MAGI2: variants seen among roughly 807,000 people sequenced by gnomAD.
The protein encoded by MAGI2 is membrane associated guanylate kinase, WW and PDZ domain containing 2.
MAGI2 carries 35 observed loss-of-function variants against 133.3 expected under a neutral mutation model. The observed-to-expected ratio is 0.26, with a 90% CI of 0.20 to 0.35. The LOEUF (loss-of-function observed/expected upper bound fraction) is 0.35. Among genes scored for constraint, MAGI2 ranks in the 10% least tolerant of loss-of-function variants. MAGI2 has a pLI of 1.00. For synonymous variants in MAGI2, 729 were observed against 710.6 expected (o/e 1.03, Z -0.41); for missense variants, 1,636 against 1,863.4 (o/e 0.88, Z 2.25).
intron 1 of MAGI2, among the ~76,000 whole-genome samples, chr7:79,059,259 T>C (rs1813482706): frequency 6.6e-6 from 1 of 152,104 alleles, no homozygotes. Context: ...TATATGTTTC[T>C]CCCACTGGGC....
At chr7:78,515,712 C>A (rs1257539876) in intron 4 of MAGI2, among the ~76,000 whole-genome samples, 2 of 152,180 alleles carry the variant, frequency 1.3e-5, no homozygotes, top group East Asian at 3.9e-4. Context: ...ACCAGCCTGA[C>A]CAAATGGAGA....
intron 1 of MAGI2, among the ~76,000 whole-genome samples, chr7:79,145,181 CTTGAT>C (rs1822500387): frequency 6.6e-6 from 1 of 152,068 alleles, no homozygotes; most frequent in African/African-American, 2.4e-5. Flanking sequence ...CTGAACATTG[CTTGAT>C]TTAAGAAACA....
At chr7:79,090,992 G>GA (rs892516435) in intron 1 of MAGI2, among the ~76,000 whole-genome samples, 1 of 43,836 alleles carries the variant, frequency 2.3e-5, no homozygotes, top group African/African-American at 8.4e-5. Context: ...AGATTTAAGA[G>GA]CCTTTTTTTT....
chr7:78,126,814 T>A (rs550953903), intron 19 of MAGI2, among the ~76,000 whole-genome samples: 3 of 152,180 alleles, frequency 2.0e-5, no homozygotes, highest in African/African-American at 7.2e-5. Flanking sequence ...CTAAAATACC[T>A]CCACTGCTAG....
intron 1 of MAGI2, among the ~76,000 whole-genome samples, chr7:79,222,290 A>G (rs1365189056): frequency 6.6e-6 from 1 of 152,110 alleles, no homozygotes; most frequent in East Asian, 1.9e-4. Flanking sequence ...ATTACTTGAA[A>G]TACAGAGTAT....
chr7:79,251,218 A>G (rs1040559796), intron 1 of MAGI2, among the ~76,000 whole-genome samples: 8 of 152,248 alleles, frequency 5.3e-5, no homozygotes, highest in African/African-American at 1.7e-4. Context: ...CAGACATCCA[A>G]AGAAAAAATG....
chr7:78,264,648 C>T (rs1793825699), intron 9 of MAGI2, among the ~76,000 whole-genome samples: 1 of 152,106 alleles, frequency 6.6e-6, no homozygotes, highest in African/African-American at 2.4e-5. Context: ...GAACTTATAA[C>T]CATCACAAAA....
At chr7:78,144,292 T>G (rs1823063568) in intron 16 of MAGI2, among the ~76,000 whole-genome samples, 1 of 152,170 alleles carries the variant, frequency 6.6e-6, no homozygotes, top group Non-Finnish European at 1.5e-5. Flanking sequence ...TTCTTCACAT[T>G]TCTAATAATA....
intron 16 of MAGI2, among the ~76,000 whole-genome samples, chr7:78,137,874 T>G (rs1822322036): frequency 6.6e-6 from 1 of 152,186 alleles, no homozygotes; most frequent in South Asian, 2.1e-4. Context: ...TATTAACCAT[T>G]TTTCTTCCTA....
chr7:79,171,770 A>ATATATATATATATATATATATATAT, intron 1 of MAGI2, among the ~76,000 whole-genome samples: 1 of 31,206 alleles, frequency 3.2e-5, no homozygotes, highest in African/African-American at 6.5e-5. Context: ...ATATATATAT[A>ATATATATATATATATATATATATAT]TTTTTTTTTT....
intron 1 of MAGI2, among the ~76,000 whole-genome samples, chr7:79,077,750 AATAAT>A (rs912534033): frequency 5.3e-5 from 8 of 152,146 alleles, no homozygotes; most frequent in African/African-American, 1.9e-4. Flanking sequence ...GTGATTAATA[AATAAT>A]ATATGTTGCA....
intron 2 of MAGI2, among the ~76,000 whole-genome samples, chr7:78,766,169 G>T (rs888227521): frequency 6.6e-6 from 1 of 152,106 alleles, no homozygotes; most frequent in Non-Finnish European, 1.5e-5. Context: ...TTATTTGGCC[G>T]GGGTTGTGCT....
chr7:78,159,347 C>G (rs12536151), intron 16 of MAGI2, among the ~76,000 whole-genome samples: 22,208 of 152,190 alleles, frequency 0.15, 2,029 homozygotes, highest in Non-Finnish European at 0.2. Context: ...TCCCCCACCC[C>G]CAACCCTTTG....
intron 3 of MAGI2, among the ~76,000 whole-genome samples, chr7:78,578,685 T>C (rs908397894): frequency 6.6e-6 from 1 of 152,136 alleles, no homozygotes; most frequent in Non-Finnish European, 1.5e-5. Flanking sequence ...CTAAATTGAA[T>C]GCACTGTCAC....
intron 7 of MAGI2, among the ~76,000 whole-genome samples, chr7:78,362,229 G>A (rs1292266975): frequency 6.6e-6 from 1 of 152,116 alleles, no homozygotes; most frequent in Non-Finnish European, 1.5e-5. Flanking sequence ...TTGAACCTGG[G>A]AGGCGGAGGT....
At chr7:78,306,925 G>A (rs777550588) in intron 9 of MAGI2, among the ~76,000 whole-genome samples, 2 of 152,134 alleles carry the variant, frequency 1.3e-5, no homozygotes, top group Non-Finnish European at 2.9e-5. Context: ...AAATAGTCAA[G>A]TGAACAGAGA....
At chr7:78,545,466 C>A (rs1361056819) in intron 3 of MAGI2, among the ~76,000 whole-genome samples, 1 of 152,080 alleles carries the variant, frequency 6.6e-6, no homozygotes, top group Non-Finnish European at 1.5e-5. Context: ...CTCACCTCAG[C>A]CTCCCAAAGT....
chr7:78,557,816 G>A (rs1442502570), intron 3 of MAGI2, among the ~76,000 whole-genome samples: 1 of 151,982 alleles, frequency 6.6e-6, no homozygotes, highest in African/African-American at 2.4e-5. Flanking sequence ...TGTAATCAGA[G>A]GTACAGTTTT....
At chr7:78,896,863 TTCATTGCCTCTTTGGCG>T (rs2151583739) in intron 2 of MAGI2, among the ~76,000 whole-genome samples, 1 of 152,308 alleles carries the variant, frequency 6.6e-6, no homozygotes, top group East Asian at 1.9e-4. Context: ...TTCAACGATA[TTCATTGCCTCTTTGGCG>T]TCATTGCCAC....
Sources: allele counts gnomAD v4.1 joint callset (sites outside exome capture counted in the v4.1 genomes callset), GRCh38; gene constraint gnomAD v4.1.1; transcripts MANE v1.5; gene names NCBI Gene and HGNC (gene_info 2026-07-23, HGNC 2026-07-21).